Variants in TTC39A observed in about 807,000 individuals in gnomAD.
TTC39A encodes tetratricopeptide repeat domain 39A.
In TTC39A, 46 loss-of-function variants were observed where a neutral mutation model predicts 82.3. The ratio of observed to expected loss-of-function variants is 0.56; its 90% CI spans 0.44 to 0.71. TTC39A has a LOEUF of 0.71. TTC39A is among the 30% of genes least tolerant of loss of function. TTC39A has a pLI of 0.00. For synonymous variants in TTC39A, 254 were observed against 275.2 expected (o/e 0.92, Z 0.76); for missense variants, 543 against 712.9 (o/e 0.76, Z 2.71).
At chr1:51,320,424 T>C (rs1191891758) in intron 2 of TTC39A, among the ~76,000 whole-genome samples, 3 of 143,922 alleles carry the variant, frequency 2.1e-5, no homozygotes, top group South Asian at 2.2e-4. Flanking sequence ...TTCTTTTTTT[T>C]TTTTTTTTTT....
At chr1:51,307,112 G>C (rs1382194940) in intron 6 of TTC39A, among the ~76,000 whole-genome samples, 1 of 152,190 alleles carries the variant, frequency 6.6e-6, no homozygotes, top group African/African-American at 2.4e-5. Flanking sequence ...AAGGCAGAGT[G>C]AAGTGGGAGA....
rs1645859902 is a variant in TTC39A at position 51,330,300 on chromosome 1, C to A, written c.41+137G>T. Reference sequence around the variant, plus strand: ...TGGCAGCGGCGGCGGCTGCCAGGGGCCGGGCGGGGTGGGGGCTGGAAGCCG... The same window carrying A: ...TGGCAGCGGCGGCGGCTGCCAGGGGACGGGCGGGGTGGGGGCTGGAAGCCG... On this transcript the variant is annotated intron_variant, in intron 1 of 17. Transcript: ENST00000680483. The surrounding 1 kb of genome is among the most constrained non-coding windows in gnomAD (Gnocchi z 4.5). The A allele has an allele frequency of 1.1e-6, 1 of 936,054 alleles. No individual in the cohort carries two copies. Among genetic ancestry groups the A allele is most frequent in the Non-Finnish European group, 1.3e-6 (1 of 785,740 alleles). The allele number at this position is 936,054 out of a possible 1,614,324, so 58.0% of individuals were successfully genotyped here.
At chr1:51,307,556 A>T (rs1300481303) in intron 6 of TTC39A, among the ~76,000 whole-genome samples, 2 of 152,100 alleles carry the variant, frequency 1.3e-5, no homozygotes, top group Admixed American at 6.5e-5. Flanking sequence ...CAATGTGGTG[A>T]AACCCCATCT....
chr1:51,299,841 C>A (rs539199036), intron 12 of TTC39A: 26 of 152,470 alleles, frequency 1.7e-4, no homozygotes, highest in African/African-American at 6.0e-4. Flanking sequence ...AGAATCCCAG[C>A]ACTTTAGGAG....
At chr1:51,304,975 G>A in intron 8 of TTC39A, 106 bp downstream of exon 8, 1 of 1,228,666 alleles carries the variant, frequency 8.1e-7, no homozygotes, top group Non-Finnish European at 1.2e-6. Flanking sequence ...GAGGGGCTGA[G>A]CCAGGATGGG....
intron 16 of TTC39A, among the ~76,000 whole-genome samples, chr1:51,289,493 T>C (rs1644120489): frequency 6.6e-6 from 1 of 152,222 alleles, no homozygotes; most frequent in Admixed American, 6.5e-5. Flanking sequence ...CACTGGTGCA[T>C]GCTGTACTTA....
intron 12 of TTC39A, chr1:51,299,427 G>A (rs1644567948): frequency 6.6e-6 from 1 of 152,292 alleles, no homozygotes; most frequent in Non-Finnish European, 1.5e-5. Flanking sequence ...CTGGCAGAGG[G>A]GGGCGCTGCC....
Position 51,290,595 on chromosome 1 carries a change from C to T in TTC39A, c.1297G>A (p.Val433Met), listed in dbSNP as rs535168055. 5 of 1,613,770 alleles carry T rather than the reference C, an allele frequency of 3.1e-6. No individual in the cohort carries two copies. Among genetic ancestry groups the T allele is most frequent in the South Asian group, 2.2e-5 (2 of 90,978 alleles). The change falls in exon 15 of 18, where the codon GTG becomes ATG. Residue 433 changes from valine (V) to methionine (M), a missense_variant. Transcript: ENST00000680483. Reference protein sequence around the residue: ...EMMYIWNGYAVIGKQPKLTDG... With the variant: ...EMMYIWNGYAMIGKQPKLTDG... ...GTGAGTTTCGGCTGCTTCCCAATCA[C>T]GGCGTAGCCGTTCCAGATGTACATC...
intron 1 of TTC39A, among the ~76,000 whole-genome samples, chr1:51,339,544 G>T (rs184565530): frequency 2.9e-3 from 448 of 152,292 alleles, no homozygotes; most frequent in South Asian, 6.8e-3. Context: ...CTACAGGAAG[G>T]CTCCTTCCAG....
intron 2 of TTC39A, among the ~76,000 whole-genome samples, chr1:51,320,380 T>C (rs1557735240): frequency 6.6e-6 from 1 of 151,722 alleles, no homozygotes; most frequent in African/African-American, 2.4e-5. Context: ...TACTGATTCT[T>C]TCTTTCTTTT....
chr1:51,337,216 A>G (rs551130552), intron 1 of TTC39A, among the ~76,000 whole-genome samples: 144 of 151,744 alleles, frequency 9.5e-4, no homozygotes, highest in Non-Finnish European at 1.4e-3. Flanking sequence ...TCCCGACATC[A>G]TTTCCCTTTA....
Position 51,310,669 on chromosome 1 carries a change from C to T in TTC39A, c.423+585G>A, listed in dbSNP as rs72906155. Among the ~76,000 whole-genome samples the T allele has an allele frequency of 1.3e-5, 2 of 152,146 alleles. 1 individual carries two copies. Among genetic ancestry groups the T allele is most frequent in the African/African-American group, 4.8e-5 (2 of 41,418 alleles). The stretch of plus-strand genomic sequence containing the variant: ...CAGTGATCGTTCTCATCATTCCCAC[C>T]GTGTGGTGAGGAGACCTGGGCTCCA... On this transcript the variant is annotated intron_variant, in intron 5 of 17. Transcript: ENST00000680483.
At chr1:51,341,280 T>C (rs1646033573) in intron 1 of TTC39A, among the ~76,000 whole-genome samples, 1 of 146,848 alleles carries the variant, frequency 6.8e-6, no homozygotes, top group Non-Finnish European at 1.5e-5. Flanking sequence ...GGACTTGAGC[T>C]TGGAAGCTGC....
rs754505022 is a variant in TTC39A, at chr1:51,309,282, C to T, written c.467G>A (p.Arg156Gln). ...VSFIKGGIKV[R>Q]NSYQTYKELD... ...TCACTTGTAGGTCTGGTAGCTGTTT[C>T]GAACTTTGATGCCGCCTTTGATGAA... The change falls in exon 6 of 18, where the codon CGA becomes CAA. Residue 156 changes from arginine to glutamine, a missense_variant. Physicochemically the swap from Arg to Gln is conservative, Grantham distance 43. Transcript: ENST00000680483. 4.3e-6 allele frequency: 7 copies of T among 1,612,000 alleles called. No homozygotes were observed. In the East Asian group the frequency reaches 8.9e-5, roughly 21 times the overall value.
intron 14 of TTC39A, among the ~76,000 whole-genome samples, chr1:51,291,628 CAAAAAAAAAAAAAAAA>C (rs58825279): frequency 1.8e-4 from 9 of 49,960 alleles, no homozygotes; most frequent in African/African-American, 2.4e-4. Flanking sequence ...CCATCTCCAC[CAAAAAAAAAAAAAAAA>C]AAAAAAAAAA....
Position 51,312,095 on chromosome 1 carries a change from G to T in TTC39A, c.355+24C>A, listed in dbSNP as rs556045302. 3.2e-5 allele frequency: 51 copies of T among 1,605,450 alleles called. No individual in the cohort carries two copies. The East Asian group carries it at 4.3e-4, about 13-fold the overall frequency. On this transcript the variant is annotated intron_variant, in intron 4 of 17. Transcript: ENST00000680483. ...CTGGCCACCTGGGCTTAGCATGGTT[G>T]AAAGGATGTCCTGGATGCCACACCT...
In TTC39A at chr1:51,321,070, C is replaced by T. The variant is rs1248439599; in HGVS notation, c.146+651G>A. 6.6e-6 allele frequency among the ~76,000 whole-genome samples: 1 copy of T among 151,670 alleles called. No homozygotes were observed. The highest frequency in any genetic ancestry group is 1.5e-5 in the Non-Finnish European group (1 of 67,916). ...TATATTTTTGGTAGAGATGGGGTTT[C>T]ACCATGTTGGCCAGGCTGGTCTTGA... On this transcript the variant is annotated intron_variant, in intron 2 of 17. Coordinates refer to ENST00000680483, the MANE Select transcript of TTC39A (RefSeq NM_001297663.2). The surrounding 1 kb of genome is among the most constrained non-coding windows in gnomAD (Gnocchi z 4.6).
At chr1:51,301,491 A>C in intron 12 of TTC39A, 81 bp downstream of exon 12, 1 of 1,475,006 alleles carries the variant, frequency 6.8e-7, no homozygotes, top group Non-Finnish European at 9.2e-7. Flanking sequence ...ATCTGTGTTC[A>C]GTTAGGGATT....
upstream of TTC39A, chr1:51,331,142 A>G (rs765619156): frequency 1.0e-5 from 15 of 1,467,734 alleles, no homozygotes; most frequent in Non-Finnish European, 1.4e-5. Flanking sequence ...TGATTCACGC[A>G]TGGTCACTCA....
Sources: gnomAD v4.1 joint callset for allele counts (sites outside exome capture counted in the v4.1 genomes callset) on GRCh38, gnomAD v4.1.1 for gene constraint, Gnocchi (gnomAD v3.1) non-coding constraint, MANE v1.5 for transcripts, NCBI Gene and HGNC (gene_info 2026-07-23, HGNC 2026-07-21) for gene names.